Variants in MACO1 observed in about 807,000 individuals in gnomAD.
The protein encoded by MACO1 is macoilin.
A neutral mutation model predicts 78.7 loss-of-function variants in MACO1; 14 were observed. That is an observed-to-expected ratio of 0.18 (90% confidence interval 0.12 to 0.28). The LOEUF is 0.28. MACO1 is among the 10% of genes least tolerant of loss of function. The pLI is 1.00. For missense variants in MACO1, 501 were observed against 799.0 expected (o/e 0.63, Z 4.50); for synonymous variants, 288 against 291.6 (o/e 0.99, Z 0.12).
chr1:25,491,662 G>A, intron 10 of MACO1, 78 bp downstream of exon 10: 2 of 1,292,292 alleles, frequency 1.5e-6, no homozygotes, highest in Non-Finnish European at 2.2e-6. Context: ...TCTCCTGAGA[G>A]CTCTCAACCA....
At chr1:25,469,115 T>G (rs959728365) in intron 6 of MACO1, among the ~76,000 whole-genome samples, 2 of 152,154 alleles carry the variant, frequency 1.3e-5, no homozygotes, top group African/African-American at 4.8e-5. Flanking sequence ...AGTGCTAGGA[T>G]TACAGGCGTG....
At chr1:25,441,539 G>A (rs1012063365) in intron 1 of MACO1, among the ~76,000 whole-genome samples, 11 of 152,226 alleles carry the variant, frequency 7.2e-5, no homozygotes, top group Non-Finnish European at 4.4e-5. Context: ...TCAGAGTACT[G>A]TGCTGGGCAC....
chr1:25,437,913 C>T (rs2042933677), intron 1 of MACO1, among the ~76,000 whole-genome samples: 1 of 151,682 alleles, frequency 6.6e-6, no homozygotes, highest in South Asian at 2.1e-4. Flanking sequence ...AGAGCAAGAC[C>T]CTGTGTCAAA....
chr1:25,443,759 C>T (rs1376536463), intron 1 of MACO1, among the ~76,000 whole-genome samples: 1 of 152,154 alleles, frequency 6.6e-6, no homozygotes, highest in African/African-American at 2.4e-5. Flanking sequence ...TGACTGGGAT[C>T]CTGCCATGCC....
chr1:25,483,472 G>A (rs566410602), intron 6 of MACO1, among the ~76,000 whole-genome samples: 39 of 152,340 alleles, frequency 2.6e-4, no homozygotes, highest in Middle Eastern at 6.8e-3. Context: ...AGGAATTGAC[G>A]AGAAAAGATA....
intron 1 of MACO1, among the ~76,000 whole-genome samples, chr1:25,434,241 A>G (rs1438164413): frequency 6.6e-6 from 1 of 152,244 alleles, no homozygotes; most frequent in African/African-American, 2.4e-5. Flanking sequence ...GGAGAAAGGA[A>G]ATAGGAATAG....
At chr1:25,460,306 A>G (rs1005073835) in intron 6 of MACO1, among the ~76,000 whole-genome samples, 1 of 152,192 alleles carries the variant, frequency 6.6e-6, no homozygotes, top group African/African-American at 2.4e-5. Flanking sequence ...AGAAAGACCA[A>G]TTAGTTTACC....
At chr1:25,480,137 T>C (rs995583573) in intron 6 of MACO1, among the ~76,000 whole-genome samples, 4 of 152,244 alleles carry the variant, frequency 2.6e-5, no homozygotes, top group Admixed American at 1.3e-4. Flanking sequence ...ATTTAAAATA[T>C]ATAATGGACA....
rs149386466 is a variant in MACO1 at position 25,484,206 on chromosome 1, G to A, written c.1245G>A (p.Ser415=). 1.4e-5 allele frequency: 22 copies of A among 1,613,852 alleles called. No homozygotes were observed. Among genetic ancestry groups the A allele is most frequent in the Admixed American group, 5.0e-5 (3 of 59,934 alleles). The change falls in exon 7 of 11, where the codon TCG becomes TCA. Residue 415 remains serine, a synonymous_variant. Coordinates refer to ENST00000374343, the MANE Select transcript of MACO1 (RefSeq NM_018202.6). ...TCCGCAGTCAGATCAGCTCCCTTTCGAGCACCGAGCGAGGGATCCGCTCAG... is the reference window on the plus strand; with the variant it reads ...TCCGCAGTCAGATCAGCTCCCTTTCAAGCACCGAGCGAGGGATCCGCTCAG... The part of the protein sequence containing the change: ...QELRSQISSL[S]STERGIRSEM...
At chr1:25,497,994 A>G (rs1291550965) in intron 10 of MACO1, among the ~76,000 whole-genome samples, 1 of 152,240 alleles carries the variant, frequency 6.6e-6, no homozygotes, top group East Asian at 1.9e-4. Flanking sequence ...CCTGCCACCT[A>G]TGCCTGTACT....
At chr1:25,448,655 T>C (rs1472303589) in intron 2 of MACO1, among the ~76,000 whole-genome samples, 153 bp from the exon 3 acceptor site, 1 of 152,236 alleles carries the variant, frequency 6.6e-6, no homozygotes, top group Non-Finnish European at 1.5e-5. Context: ...TGATTTTAAA[T>C]GTTTAAAATT....
intron 6 of MACO1, among the ~76,000 whole-genome samples, chr1:25,469,633 CTT>C (rs1222159978): frequency 3.4e-3 from 428 of 127,404 alleles, no homozygotes; most frequent in African/African-American, 0.013. Flanking sequence ...TAACCTCTGA[CTT>C]TTTTTTTTTT....
At chr1:25,494,407 G>GGGATGT (rs1213150930) in intron 10 of MACO1, among the ~76,000 whole-genome samples, 1 of 152,168 alleles carries the variant, frequency 6.6e-6, no homozygotes, top group Non-Finnish European at 1.5e-5. Flanking sequence ...AGAAGGTGCC[G>GGGATGT]GGATGTTCAG....
chr1:25,477,291 GAGGTAACATAGTAAA>G (rs2043328872), intron 6 of MACO1, among the ~76,000 whole-genome samples: 5 of 152,200 alleles, frequency 3.3e-5, no homozygotes, highest in African/African-American at 9.7e-5. Context: ...TCCTCCCAAA[GAGGTAACATAGTAAA>G]AGGCAGAAAA....
In MACO1 at chr1:25,485,856, T is replaced by G. The variant is rs1442267802; in HGVS notation, c.1496+61T>G. ...TGGCTTTCCTTTACCAACAAAGACA[T>G]GGGAATTTGGTGCCTTGGGCAGGAT... On this transcript the variant is annotated intron_variant, in intron 8 of 10. Transcript: ENST00000374343. This position sits in a 1 kb window ranked among gnomAD's most constrained non-coding sequence, Gnocchi z 4.3. The G allele has an allele frequency of 3.9e-6, 6 of 1,546,116 alleles. No homozygotes were observed. Among genetic ancestry groups the G allele is most frequent in the African/African-American group, 2.8e-5 (2 of 72,414 alleles).
chr1:25,488,767 G>A lies in MACO1; in HGVS notation c.1497-406G>A, dbSNP rs532705703. Among the ~76,000 whole-genome samples the A allele has an allele frequency of 2.6e-5, 4 of 152,214 alleles. No homozygotes were observed. The East Asian group carries it at 7.7e-4, about 29-fold the overall frequency. The stretch of plus-strand genomic sequence containing the variant: ...CCCAAATTGCTGTGATTACAGGCGT[G>A]AGCCACTGCACTCGGCCAACCTATA... On this transcript the variant is annotated intron_variant, in intron 8 of 10. Transcript: ENST00000374343.
At chr1:25,489,619 T>C (rs1488615605) in intron 9 of MACO1, among the ~76,000 whole-genome samples, 1 of 152,186 alleles carries the variant, frequency 6.6e-6, no homozygotes, top group Non-Finnish European at 1.5e-5. Context: ...ACACACCTCC[T>C]TTTAGCCCCA....
intron 6 of MACO1, among the ~76,000 whole-genome samples, chr1:25,467,943 T>TA (rs939667533): frequency 6.6e-6 from 1 of 152,164 alleles, no homozygotes; most frequent in Non-Finnish European, 1.5e-5. Flanking sequence ...CATAGTACTT[T>TA]AAAAAATTTT....
At chr1:25,434,800 T>C (rs7541095) in intron 1 of MACO1, among the ~76,000 whole-genome samples, 88,883 of 151,996 alleles carry the variant, frequency 0.58, 27,298 homozygotes, top group African/African-American at 0.76. Context: ...GGTTCTCTCC[T>C]TGTGTCTGCC....
Sources: allele counts gnomAD v4.1 joint callset (sites outside exome capture counted in the v4.1 genomes callset), GRCh38; gene constraint gnomAD v4.1.1; non-coding constraint Gnocchi (gnomAD v3.1); transcripts MANE v1.5; gene names NCBI Gene and HGNC (gene_info 2026-07-23, HGNC 2026-07-21).